The following SARM1 variants were observed in gnomAD, a reference collection of about 807,000 sequenced individuals.
The protein encoded by SARM1 is NAD(+) hydrolase SARM1.
In SARM1, 60 loss-of-function variants were observed where a neutral mutation model predicts 65.1. That is an observed-to-expected ratio of 0.92 (90% confidence interval 0.75 to 1.14). SARM1 has a LOEUF of 1.14. Ranked by LOEUF, SARM1 falls within the 50% of genes most tolerant of loss-of-function variation. The pLI is 0.00. For missense variants in SARM1, 913 were observed against 1,015.7 expected, an observed-to-expected ratio of 0.90 and a Z score of 1.37; for synonymous variants, 417 against 465.4, an observed-to-expected ratio of 0.90 and a Z score of 1.34.
At chr17:28,391,707 C>CAAAAA (rs1206857097) in intron 7 of SARM1, among the ~76,000 whole-genome samples, 1 of 56,806 alleles carries the variant, frequency 1.8e-5, no homozygotes, top group Non-Finnish European at 3.6e-5. Context: ...GCAATTGCAC[C>CAAAAA]AAAAAAAAAA....
At chr17:28,386,635 A>T (rs2068051532) in intron 5 of SARM1, 1 of 152,240 alleles carries the variant, frequency 6.6e-6, no homozygotes, top group Admixed American at 6.5e-5. Flanking sequence ...CCCACAAGAC[A>T]CAAGGGACTG....
chr17:28,374,970 C>CAAAAA (rs35032822), intron 1 of SARM1, among the ~76,000 whole-genome samples: 22 of 70,440 alleles, frequency 3.1e-4, no homozygotes, highest in South Asian at 1.1e-3. Flanking sequence ...CAGACCTTGT[C>CAAAAA]AAAAAAAAAA....
chr17:28,391,735 G>GAA (rs2068081464), intron 7 of SARM1, among the ~76,000 whole-genome samples: 2 of 147,940 alleles, frequency 1.4e-5, no homozygotes, highest in South Asian at 2.2e-4. Flanking sequence ...AAAAGAGAGA[G>GAA]AGAGAGAGGC....
chr17:28,381,684 A>G lies in SARM1; in HGVS notation c.952A>G (p.Thr318Ala), dbSNP rs1277127878. ...CCGCTGTCTGGTGGACGCCAGCGAC[A>G]CAAGCCAGGGCCGCGGGCCCGACGA... ...FARCLVDASD[T>A]SQGRGPDDLQ... Residue 318 changes from threonine to alanine, a missense_variant, in exon 2 of 9, where the codon ACA becomes GCA. Coordinates refer to ENST00000585482, the MANE Select transcript of SARM1 (RefSeq NM_015077.4). 1 of 1,561,444 alleles carries G rather than the reference A, an allele frequency of 6.4e-7. No homozygotes were observed. The highest frequency in any genetic ancestry group is 1.9e-5 in the Admixed American group (1 of 52,826).
At chr17:28,374,988 A>C (rs902841402) in intron 1 of SARM1, among the ~76,000 whole-genome samples, 1 of 151,472 alleles carries the variant, frequency 6.6e-6, no homozygotes, top group Non-Finnish European at 1.5e-5. Context: ...AAAAAAAAAA[A>C]AAAAAAACAA....
At position 28,372,398 on chromosome 17, in the gene SARM1, C is replaced by T; in HGVS notation, c.366C>T (p.Leu122=). 6.5e-7 allele frequency: 1 copy of T among 1,528,772 alleles called. No homozygotes were observed. Among genetic ancestry groups the T allele is most frequent in the Non-Finnish European group, 8.7e-7 (1 of 1,144,278 alleles). The allele number at this position is 1,528,772 out of a possible 1,614,324, so 94.7% of individuals were successfully genotyped here. ...AGGGTCTGTGCGACGCCATCCGCCT[C>T]GATGGCGGCCTCGACCTGCTGTTGC... ...VAQGLCDAIR[L]DGGLDLLLRL... The change falls in exon 1 of 9, where the codon CTC becomes CTT. Residue 122 remains leucine, a synonymous_variant. Transcript: ENST00000585482. This position sits in a 1 kb window ranked among gnomAD's most constrained non-coding sequence, Gnocchi z 5.2.
At position 28,384,905 on chromosome 17, in the gene SARM1, A is replaced by G; in HGVS notation, c.1369A>G (p.Met457Val). The G allele has an allele frequency of 6.4e-7, 1 of 1,565,182 alleles. No homozygotes were observed. ...TEEELQTDLG[M>V]KSGITRKRFF... Reference sequence around the variant, plus strand: ...GGAGGAACTCCAGACCGACCTGGGCATGAAATCGGGCATCACCCGCAAGAG... The same window carrying G: ...GGAGGAACTCCAGACCGACCTGGGCGTGAAATCGGGCATCACCCGCAAGAG... Residue 457 changes from methionine (M) to valine (V), a missense_variant, in exon 4 of 9, where the codon ATG (methionine) becomes GTG (valine). Met to Val is a conservative substitution (Grantham distance 21). This residue lies in a region of SARM1 where 862 missense variants were observed against 952.1 expected (regional missense o/e 0.91). Transcript: ENST00000585482. This position sits in a 1 kb window ranked among gnomAD's most constrained non-coding sequence, Gnocchi z 4.4.
rs1555585165 is a variant in SARM1 at position 28,381,252 on chromosome 17, G to C, written c.520G>C (p.Glu174Gln). ...GLGVILNLAK[E>Q]REPVELARSV... Reference sequence around the variant, plus strand: ...GGGCGTGATCCTGAACCTGGCGAAGGAACGCGAACCCGTAGAGCTGGCGCG... The same window carrying C: ...GGGCGTGATCCTGAACCTGGCGAAGCAACGCGAACCCGTAGAGCTGGCGCG... Residue 174 changes from glutamate to glutamine, a missense_variant, in exon 2 of 9, where the codon GAA becomes CAA. Glu to Gln is a conservative substitution (Grantham distance 29). Coordinates refer to ENST00000585482, the MANE Select transcript of SARM1 (RefSeq NM_015077.4). 1 of 1,611,148 alleles carries C rather than the reference G, an allele frequency of 6.2e-7. No homozygotes were observed. The highest frequency in any genetic ancestry group is 1.7e-5 in the Admixed American group (1 of 59,566).
chr17:28,377,255 T>C (rs2067997152), intron 1 of SARM1, among the ~76,000 whole-genome samples: 1 of 152,168 alleles, frequency 6.6e-6, no homozygotes, highest in African/African-American at 2.4e-5. Context: ...ACTCTGGGCA[T>C]GTCATGTACC....
At chr17:28,386,095 A>C (rs933212555) in intron 5 of SARM1, among the ~76,000 whole-genome samples, 30 of 152,158 alleles carry the variant, frequency 2.0e-4, no homozygotes, top group Admixed American at 1.9e-3. Flanking sequence ...GGAGTTTGAG[A>C]CCAACCTGGG....
At chr17:28,374,737 G>A (rs1208257732) in intron 1 of SARM1, among the ~76,000 whole-genome samples, 3 of 152,072 alleles carry the variant, frequency 2.0e-5, no homozygotes, top group African/African-American at 4.8e-5. Flanking sequence ...AGCACTTTGG[G>A]AAGCTGAGGT....
chr17:28,392,782 A>G (rs2068087232), intron 7 of SARM1, among the ~76,000 whole-genome samples: 1 of 152,134 alleles, frequency 6.6e-6, no homozygotes, highest in Non-Finnish European at 1.5e-5. Flanking sequence ...CCACTTCCCA[A>G]GAATGCTTGG....
In SARM1 at chr17:28,400,800, G is replaced by T. The variant is rs781896384; in HGVS notation, c.*4514G>T. On this transcript the variant is annotated 3_prime_UTR_variant, in exon 9 of 9. Transcript: ENST00000585482. ...AAATAAATACCATACTCTGGAGTCC[G>T]AAAGGGCCATATTCCAACTCTGGCA... 6.5e-7 allele frequency: 1 copy of T among 1,546,024 alleles called. No individual in the cohort carries two copies. The highest frequency in any genetic ancestry group is 2.0e-5 in the Admixed American group (1 of 50,982).
chr17:28,373,150 C>G (rs1445284133), intron 1 of SARM1: 1 of 152,416 alleles, frequency 6.6e-6, no homozygotes, highest in African/African-American at 2.4e-5. Context: ...AAGAGGACAC[C>G]GGGGTGCAGA....
chr17:28,395,019 A>AG (rs1567811248), intron 7 of SARM1: 1 of 93,868 alleles, frequency 1.1e-5, no homozygotes, highest in African/African-American at 4.8e-5. Context: ...AAGTAATTAC[A>AG]GAAAAAAAAA....
intron 1 of SARM1, among the ~76,000 whole-genome samples, chr17:28,375,880 C>T (rs2067986266): frequency 6.6e-6 from 1 of 152,096 alleles, no homozygotes. Flanking sequence ...GGAGATAAAC[C>T]ACTATAACAA....
rs1555586323 is a variant in SARM1, at chr17:28,388,184, C to A, written c.1641C>A (p.His547Gln). 14 of 1,549,520 alleles carry A rather than the reference C, an allele frequency of 9.0e-6. No individual in the cohort carries two copies. The highest frequency in any genetic ancestry group is 1.1e-5 in the Non-Finnish European group (13 of 1,146,746). ...TATTGCCCACTTCAGAAATGCTACA[C>A]TCCCCGCTGCCCTGTACTGGTGGCA... ...RILTAAREMLHSPLPCTGGKP... is the reference protein window; with the variant it reads ...RILTAAREMLQSPLPCTGGKP... Residue 547 changes from histidine to glutamine, a missense_variant, in exon 6 of 9, where the codon CAC becomes CAA. Physicochemically the swap from His to Gln is conservative, Grantham distance 24. This residue lies in a region of SARM1 where 862 missense variants were observed against 952.1 expected (regional missense o/e 0.91). Coordinates refer to ENST00000585482, the MANE Select transcript of SARM1 (RefSeq NM_015077.4).
At chr17:28,383,350 G>T (rs934594616) in intron 2 of SARM1, among the ~76,000 whole-genome samples, 1 of 152,144 alleles carries the variant, frequency 6.6e-6, no homozygotes, top group African/African-American at 2.4e-5. Context: ...CTCCAGCCTG[G>T]GCTACAAAGT....
chr17:28,381,419 G>A lies in SARM1; in HGVS notation c.687G>A (p.Ala229=). Residue 229 remains alanine (A), a synonymous_variant, in exon 2 of 9, where the codon GCG becomes GCA. Coordinates refer to ENST00000585482, the MANE Select transcript of SARM1 (RefSeq NM_015077.4). ...CGCTGCTGCGCCACTGCGCGCTGGC[G>A]CTGGGCAACTGCGCGCTGCACGGGG... ...DPALLRHCAL[A]LGNCALHGGQ... 6.5e-7 allele frequency: 1 copy of A among 1,546,128 alleles called. No individual in the cohort carries two copies. The highest frequency in any genetic ancestry group is 8.7e-7 in the Non-Finnish European group (1 of 1,145,744).
Sources: gnomAD v4.1 joint callset for allele counts (sites outside exome capture counted in the v4.1 genomes callset) on GRCh38, gnomAD v4.1.1 for gene constraint, gnomAD v4.1.1 regional missense constraint, Gnocchi (gnomAD v3.1) non-coding constraint, MANE v1.5 for transcripts, NCBI Gene and HGNC (gene_info 2026-07-23, HGNC 2026-07-21) for gene names.